RYR3: variants seen among roughly 807,000 people sequenced by gnomAD.
The protein encoded by RYR3 is brain ryanodine receptor-calcium release channel.
In RYR3, 207 loss-of-function variants were observed where a neutral mutation model predicts 584.3. The ratio of observed to expected loss-of-function variants is 0.35; its 90% CI spans 0.32 to 0.40. The LOEUF (loss-of-function observed/expected upper bound fraction) is 0.40. Ranked by LOEUF, RYR3 falls within the 10% of genes least tolerant of loss-of-function variation. RYR3 has a pLI of 1.00. For synonymous variants in RYR3, 2,416 were observed against 2,248.5 expected (o/e 1.07, Z -2.11); for missense variants, 5,616 against 6,089.2 (o/e 0.92, Z 2.59).
intron 3 of RYR3, among the ~76,000 whole-genome samples, chr15:33,518,311 C>T (rs1595407980): frequency 6.6e-6 from 1 of 152,180 alleles, no homozygotes; most frequent in Admixed American, 6.5e-5. Flanking sequence ...TAATGGTAAC[C>T]ACCAAACTTG....
At chr15:33,685,330 A>C (rs1379605774) in intron 38 of RYR3, among the ~76,000 whole-genome samples, 1 of 152,210 alleles carries the variant, frequency 6.6e-6, no homozygotes, top group Admixed American at 6.5e-5. Flanking sequence ...AAACCAACAA[A>C]GATCAAAAGA....
intron 100 of RYR3, 137 bp downstream of exon 100, chr15:33,859,868 A>G: frequency 1.0e-6 from 1 of 957,730 alleles, no homozygotes. Context: ...CTAATTTAGC[A>G]TCTACTATAC....
intron 38 of RYR3, among the ~76,000 whole-genome samples, chr15:33,694,289 A>AG (rs1252954235): frequency 2.0e-5 from 3 of 150,016 alleles, no homozygotes; most frequent in Non-Finnish European, 3.0e-5. Flanking sequence ...TCTGTCGCCC[A>AG]GCTGGAGTGC....
chr15:33,585,181 G>T (rs2058786407), intron 15 of RYR3, among the ~76,000 whole-genome samples: 1 of 152,108 alleles, frequency 6.6e-6, no homozygotes, highest in African/African-American at 2.4e-5. Context: ...CCGGCCAAGA[G>T]AGGTTCCCCC....
intron 31 of RYR3, 85 bp downstream of exon 31, chr15:33,649,320 G>A: frequency 1.5e-6 from 2 of 1,300,262 alleles, no homozygotes; most frequent in Admixed American, 3.9e-5. Context: ...CACACCCAAA[G>A]AAGGAAACAT....
In RYR3 at chr15:33,759,472, AAC is replaced by A. The variant is rs569558356; in HGVS notation, c.8705+1880_8705+1881del. Among the ~76,000 whole-genome samples, 476 of 152,372 alleles carry A rather than the reference AAC, an allele frequency of 3.1e-3. 1 individual carries two copies. Among genetic ancestry groups the A allele is most frequent in the Non-Finnish European group, 4.5e-3 (305 of 68,044 alleles). ...CATAAATGACCTGATGGAGCTGAAA[AAC>A]ACAGCACAAGAACTTCATGAGGCAT... On this transcript the variant is annotated intron_variant, in intron 60 of 103. Coordinates refer to ENST00000634891, the MANE Select transcript of RYR3 (RefSeq NM_001036.6).
intron 42 of RYR3, among the ~76,000 whole-genome samples, chr15:33,701,368 G>A (rs1245309037): frequency 6.6e-6 from 1 of 152,210 alleles, no homozygotes; most frequent in Non-Finnish European, 1.5e-5. Flanking sequence ...GATGCCGGTG[G>A]TTCCTAATAA....
At chr15:33,582,395 G>A (rs376480533) in intron 14 of RYR3, among the ~76,000 whole-genome samples, 9 of 152,258 alleles carry the variant, frequency 5.9e-5, no homozygotes, top group East Asian at 3.9e-4. Flanking sequence ...AAATCAGTCC[G>A]GACCTATTCC....
chr15:33,481,838 T>C (rs906181739), intron 2 of RYR3, among the ~76,000 whole-genome samples: 2 of 151,270 alleles, frequency 1.3e-5, no homozygotes, highest in Non-Finnish European at 2.9e-5. Context: ...CGTTAACTTA[T>C]CACAGTTTTC....
At chr15:33,860,290 C>CA (rs2080201817) in intron 100 of RYR3, among the ~76,000 whole-genome samples, 1 of 152,058 alleles carries the variant, frequency 6.6e-6, no homozygotes, top group Non-Finnish European at 1.5e-5. Flanking sequence ...GAGAGCCTAT[C>CA]ACACAGACTG....
chr15:33,837,974 G>A lies in RYR3; in HGVS notation c.11994G>A (p.Leu3998=), dbSNP rs767043149. The change falls in exon 89 of 104, where the codon TTG becomes TTA. Residue 3998 remains leucine (L), a synonymous_variant. Coordinates refer to ENST00000634891, the MANE Select transcript of RYR3 (RefSeq NM_001036.6). Reference sequence around the variant, plus strand: ...TAGGGTTTAATGTGGCTGTGTTATTGACAAATCTTTCTGAACACATGCCAA... The same window carrying A: ...TAGGGTTTAATGTGGCTGTGTTATTAACAAATCTTTCTGAACACATGCCAA... ...KDIGFNVAVL[L]TNLSEHMPND... 2 of 1,613,862 alleles carry A rather than the reference G, an allele frequency of 1.2e-6. No homozygotes were observed. Among genetic ancestry groups the A allele is most frequent in the Admixed American group, 1.7e-5 (1 of 59,998 alleles).
At chr15:33,735,068 G>A (rs1405530256) in intron 48 of RYR3, among the ~76,000 whole-genome samples, 2 of 152,070 alleles carry the variant, frequency 1.3e-5, no homozygotes, top group Admixed American at 1.3e-4. Context: ...TTTTCTTCTT[G>A]ATCACTTGAG....
chr15:33,435,510 A>G (rs62015581), intron 1 of RYR3, among the ~76,000 whole-genome samples: 3,062 of 152,272 alleles, frequency 0.02, 49 homozygotes, highest in Non-Finnish European at 0.034. Context: ...AAACATTCTT[A>G]TACTTGTGTG....
rs776257846 is a variant in RYR3 at position 33,562,988 on chromosome 15, G to T, written c.1124G>T (p.Arg375Leu). ...AAAGCACAAGACGCCAAAACTTCCC[G>T]CCTGGGACCTCTAAAAAGAAAGGTG... ...TYKAQDAKTSRLGPLKRKVIL... is the reference protein window; with the variant it reads ...TYKAQDAKTSLLGPLKRKVIL... The change falls in exon 11 of 104, where the codon CGC becomes CTC. Residue 375 changes from arginine to leucine, a missense_variant. Around this residue, in one of 9 missense-constraint regions of RYR3, gnomAD observed 1,284 missense variants for 1,344.6 expected, o/e 0.95. Coordinates refer to ENST00000634891, the MANE Select transcript of RYR3 (RefSeq NM_001036.6). 7 of 1,609,438 alleles carry T rather than the reference G, an allele frequency of 4.3e-6. No individual in the cohort carries two copies. Among genetic ancestry groups the T allele is most frequent in the Non-Finnish European group, 5.9e-6 (7 of 1,177,712 alleles).
At chr15:33,508,507 G>A (rs1444503798) in intron 3 of RYR3, among the ~76,000 whole-genome samples, 4 of 152,032 alleles carry the variant, frequency 2.6e-5, no homozygotes, top group African/African-American at 4.8e-5. Flanking sequence ...AAAATTAGCC[G>A]GGCATGGTGG....
chr15:33,573,962 G>A (rs561073686), intron 12 of RYR3, among the ~76,000 whole-genome samples: 58 of 152,294 alleles, frequency 3.8e-4, no homozygotes, highest in African/African-American at 1.3e-3. Flanking sequence ...TAATATTCAT[G>A]TTTCTTCAAG....
At chr15:33,467,931 T>C in intron 1 of RYR3, among the ~76,000 whole-genome samples, 1 of 152,214 alleles carries the variant, frequency 6.6e-6, no homozygotes, top group East Asian at 1.9e-4. Flanking sequence ...GGTTTGATCA[T>C]GTGACAGGGC....
Position 33,837,866 on chromosome 15 carries a change from C to T in RYR3, c.11886C>T (p.Leu3962=), listed in dbSNP as rs1198670128. Reference sequence around the variant, plus strand: ...ACACGCAGTCAGAGATTGACTTTCTCCTGTCGTGTGCAGAAGCTGATGAGA... The same window carrying T: ...ACACGCAGTCAGAGATTGACTTTCTTCTGTCGTGTGCAGAAGCTGATGAGA... The part of the protein sequence containing the change: ...KQYTQSEIDF[L]LSCAEADEND... Residue 3962 remains leucine, a synonymous_variant, in exon 89 of 104, where the codon CTC becomes CTT. Transcript: ENST00000634891. The T allele has an allele frequency of 6.2e-7, 1 of 1,614,012 alleles. No individual in the cohort carries two copies. The highest frequency in any genetic ancestry group is 8.5e-7 in the Non-Finnish European group (1 of 1,179,896).
intron 2 of RYR3, among the ~76,000 whole-genome samples, chr15:33,478,877 G>C (rs1596310985): frequency 6.6e-6 from 1 of 152,132 alleles, no homozygotes; most frequent in East Asian, 1.9e-4. Flanking sequence ...TGATTTTAAG[G>C]AAGAAGAAAC....
Sources: allele counts gnomAD v4.1 joint callset (sites outside exome capture counted in the v4.1 genomes callset), GRCh38; gene constraint gnomAD v4.1.1; regional missense constraint gnomAD v4.1.1; transcripts MANE v1.5; gene names NCBI Gene and HGNC (gene_info 2026-07-23, HGNC 2026-07-21).